The following CPNE8 variants were observed in gnomAD, a reference collection of about 807,000 sequenced individuals.
CPNE8 encodes copine 8.
A neutral mutation model predicts 81.5 loss-of-function variants in CPNE8; 45 were observed. The ratio of observed to expected loss-of-function variants is 0.55; its 90% CI spans 0.44 to 0.71. The LOEUF is 0.71. CPNE8 is among the 30% of genes least tolerant of loss of function. The probability of loss-of-function intolerance (pLI) is 0.00; values close to 1 mark genes in which losing one functional copy is unlikely to be tolerated. For missense variants in CPNE8, 594 were observed against 672.1 expected (o/e 0.88, Z 1.28); for synonymous variants, 252 against 226.3 (o/e 1.11, Z -1.02).
At chr12:38,737,452 AT>A (rs1410385813) in intron 10 of CPNE8, among the ~76,000 whole-genome samples, 13 of 152,138 alleles carry the variant, frequency 8.5e-5, no homozygotes, top group Admixed American at 7.9e-4. Context: ...AGTTCAAAAA[AT>A]TTTACTTTAT....
At chr12:38,834,949 C>T (rs998368202) in intron 5 of CPNE8, among the ~76,000 whole-genome samples, 6 of 151,632 alleles carry the variant, frequency 4.0e-5, no homozygotes, top group African/African-American at 1.5e-4. Flanking sequence ...AATCTCGGCT[C>T]ACTGCAACCT....
In CPNE8 at chr12:38,743,295, G is replaced by T. The variant is rs1941151428; in HGVS notation, c.723-12937C>A. On this transcript the variant is annotated intron_variant, in intron 10 of 19. Coordinates refer to ENST00000331366, the MANE Select transcript of CPNE8 (RefSeq NM_153634.3). ...AGATTTAATAAAGTAGAAGAGAATG[G>T]GTTAGTCTCTTAAATTTCTTTGAAA... Among the ~76,000 whole-genome samples, 3 of 152,090 alleles carry T rather than the reference G, an allele frequency of 2.0e-5. No individual in the cohort carries two copies. In the East Asian group the frequency reaches 5.8e-4, roughly 29 times the overall value.
intron 10 of CPNE8, among the ~76,000 whole-genome samples, chr12:38,750,584 T>A (rs1941336212): frequency 6.6e-6 from 1 of 152,238 alleles, no homozygotes; most frequent in Admixed American, 6.5e-5. Flanking sequence ...AGTTTTAAGA[T>A]TTGACTGTCC....
At chr12:38,805,743 A>G (rs1480323850) in intron 6 of CPNE8, among the ~76,000 whole-genome samples, 2 of 148,888 alleles carry the variant, frequency 1.3e-5, no homozygotes, top group Non-Finnish European at 3.0e-5. Flanking sequence ...AAGGCAAGAA[A>G]TAACTAAGAT....
rs1942208670 is a variant in CPNE8, at chr12:38,787,034, G to T, written c.408-10733C>A. ...GAAGACTTGAACATCCCATTTCCAG[G>T]ACTGGACAGATCTTCTAGACAGAAT... On this transcript the variant is annotated intron_variant, in intron 6 of 19. Transcript: ENST00000331366. Among the ~76,000 whole-genome samples the T allele has an allele frequency of 3.9e-5, 6 of 152,136 alleles. No homozygotes were observed. The South Asian group carries it at 1.2e-3, about 32-fold the overall frequency.
chr12:38,739,689 G>T (rs544546787), intron 10 of CPNE8, among the ~76,000 whole-genome samples: 1 of 152,138 alleles, frequency 6.6e-6, no homozygotes, highest in Non-Finnish European at 1.5e-5. Flanking sequence ...TTTAAAAGTT[G>T]ATATAATTAA....
At chr12:38,669,910 A>T (rs1939135231) in intron 19 of CPNE8, among the ~76,000 whole-genome samples, 1 of 152,122 alleles carries the variant, frequency 6.6e-6, no homozygotes, top group South Asian at 2.1e-4. Flanking sequence ...CCTCCCAGGT[A>T]AGCACAACAA....
At chr12:38,715,357 A>C (rs1318159628) in intron 13 of CPNE8, among the ~76,000 whole-genome samples, 1 of 152,092 alleles carries the variant, frequency 6.6e-6, no homozygotes, top group Non-Finnish European at 1.5e-5. Flanking sequence ...TGTTAATGAT[A>C]TCTTACATTG....
At chr12:38,880,376 A>T (rs1944134711) in intron 1 of CPNE8, among the ~76,000 whole-genome samples, 2 of 152,262 alleles carry the variant, frequency 1.3e-5, no homozygotes, top group African/African-American at 4.8e-5. Flanking sequence ...CCGTTGAATG[A>T]ACAAAGAGTT....
At chr12:38,711,293 TG>T (rs1157101221) in intron 13 of CPNE8, among the ~76,000 whole-genome samples, 1 of 151,916 alleles carries the variant, frequency 6.6e-6, no homozygotes, top group African/African-American at 2.4e-5. Context: ...ACCAATAGAG[TG>T]TCAATATTTG....
chr12:38,878,776 C>T (rs1313762423), intron 1 of CPNE8, among the ~76,000 whole-genome samples: 1 of 152,114 alleles, frequency 6.6e-6, no homozygotes, highest in Non-Finnish European at 1.5e-5. Flanking sequence ...AGCAAATCTG[C>T]AAGTATTTTT....
chr12:38,906,427 G>A (rs1944572513), upstream of CPNE8: 2 of 985,494 alleles, frequency 2.0e-6, no homozygotes, highest in South Asian at 9.4e-5. Flanking sequence ...GGAGCTTAGA[G>A]GTCTAACGGC....
intron 13 of CPNE8, among the ~76,000 whole-genome samples, chr12:38,715,327 T>A (rs1330998474): frequency 2.0e-5 from 3 of 152,106 alleles, no homozygotes; most frequent in African/African-American, 7.2e-5. Context: ...CAGAGCTAGC[T>A]AGAGAATCAA....
intron 10 of CPNE8, among the ~76,000 whole-genome samples, chr12:38,745,137 T>C (rs941113080): frequency 5.9e-5 from 9 of 152,258 alleles, no homozygotes; most frequent in African/African-American, 2.2e-4. Flanking sequence ...TCTACCTTTC[T>C]ATGTCTGCAT....
rs567546372 is a variant in CPNE8 at position 38,736,509 on chromosome 12, G to A, written c.723-6151C>T. Among the ~76,000 whole-genome samples the A allele has an allele frequency of 1.4e-3, 48 of 33,128 alleles. No individual in the cohort carries two copies. In the Admixed American group the frequency reaches 0.02, roughly 14 times the overall value. 21.7% of individuals were successfully genotyped at this position (33,128 alleles called of 152,430 possible). Reference sequence around the variant, plus strand: ...CAAAATTGTATGCCTGTTTAGTTACGCCAAATTATTTTTTAAAAAAAAGAA... The same window carrying A: ...CAAAATTGTATGCCTGTTTAGTTACACCAAATTATTTTTTAAAAAAAAGAA... On this transcript the variant is annotated intron_variant, in intron 10 of 19. Coordinates refer to ENST00000331366, the MANE Select transcript of CPNE8 (RefSeq NM_153634.3).
intron 6 of CPNE8, among the ~76,000 whole-genome samples, chr12:38,786,806 A>G (rs1463250537): frequency 6.6e-6 from 1 of 152,176 alleles, no homozygotes; most frequent in Non-Finnish European, 1.5e-5. Context: ...TTTTAAATAC[A>G]TACCCACCTA....
At chr12:38,761,957 A>G (rs529488427) in intron 9 of CPNE8, among the ~76,000 whole-genome samples, 155 bp downstream of exon 9, 17 of 152,264 alleles carry the variant, frequency 1.1e-4, no homozygotes, top group Non-Finnish European at 2.5e-4. Flanking sequence ...TAAAATTTAA[A>G]GCAAATATGC....
Position 38,685,572 on chromosome 12 carries a change from T to G in CPNE8, c.1189A>C (p.Met397Leu). 1 of 1,613,668 alleles carries G rather than the reference T, an allele frequency of 6.2e-7. No homozygotes were observed. Among genetic ancestry groups the G allele is most frequent in the Non-Finnish European group, 8.5e-7 (1 of 1,179,654 alleles). Residue 397 changes from methionine (M) to leucine (L), a missense_variant, in exon 16 of 20, where the codon ATG (methionine) becomes CTG (leucine). Coordinates refer to ENST00000331366, the MANE Select transcript of CPNE8 (RefSeq NM_153634.3). ...TTCAGACTCCTGTAATAAGCCTCCA[T>G]GACCCCCTCAATGCCATCACAGTAG... Reference protein sequence around the residue: ...NPYCDGIEGVMEAYYRSLKSV... With the variant: ...NPYCDGIEGVLEAYYRSLKSV...
At chr12:38,848,846 A>G (rs931239167) in intron 3 of CPNE8, among the ~76,000 whole-genome samples, 184 bp from the exon 4 acceptor site, 16 of 152,166 alleles carry the variant, frequency 1.1e-4, no homozygotes, top group Non-Finnish European at 2.9e-5. Flanking sequence ...CCCTGAGTTC[A>G]TTCAAAAATC....
Sources: gnomAD v4.1 joint callset for allele counts (sites outside exome capture counted in the v4.1 genomes callset) on GRCh38, gnomAD v4.1.1 for gene constraint, MANE v1.5 for transcripts, NCBI Gene and HGNC (gene_info 2026-07-23, HGNC 2026-07-21) for gene names.